Variants in PLEKHG6 observed in about 807,000 individuals in gnomAD.
PLEKHG6 encodes the protein pleckstrin homology and RhoGEF domain containing G6.
In PLEKHG6, 91 loss-of-function variants were observed where a neutral mutation model predicts 97.5. That is an observed-to-expected ratio of 0.93 (90% CI 0.79 to 1.11). The LOEUF is 1.11. PLEKHG6 is among the 50% of genes most tolerant of loss of function. The pLI, the probability that PLEKHG6 is intolerant of heterozygous loss-of-function variation, is 0.00. For missense variants in PLEKHG6, 1,044 were observed against 1,031.0 expected (o/e 1.01, Z -0.17); for synonymous variants, 466 against 425.5 (o/e 1.10, Z -1.17).
In PLEKHG6 at chr12:6,319,403, G is replaced by A. The variant is rs113305734; in HGVS notation, c.1524+295G>A. ...GTGGAGGTTGCAGTGACCTGAGATC[G>A]TGCCACTGCACTCTAGCCTGGGTGA... On this transcript the variant is annotated intron_variant, in intron 13 of 15. Transcript: ENST00000684764. The A allele has an allele frequency of 4.9e-3, 4,069 of 837,812 alleles. 128 individuals carry two copies. The African/African-American group carries it at 0.063, about 13-fold the overall frequency. 51.9% of individuals were successfully genotyped at this position (837,812 alleles called of 1,614,324 possible).
chr12:6,324,570 GAA>G (rs953296873), intron 13 of PLEKHG6, among the ~76,000 whole-genome samples: 12 of 152,134 alleles, frequency 7.9e-5, no homozygotes, highest in Non-Finnish European at 1.6e-4. Flanking sequence ...TGAGGCCTGG[GAA>G]AGAGGGAGTC....
At chr12:6,318,638 G>C in intron 11 of PLEKHG6, 107 bp from the exon 12 acceptor site, 1 of 1,323,690 alleles carries the variant, frequency 7.6e-7, no homozygotes, top group Non-Finnish European at 1.1e-6. Flanking sequence ...TTTGGGCTCT[G>C]CGTGTGTCCC....
Position 6,315,735 on chromosome 12 carries a change from A to C in PLEKHG6, c.555+86A>C. 1 of 1,183,694 alleles carries C rather than the reference A, an allele frequency of 8.4e-7. No individual in the cohort carries two copies. The highest frequency in any genetic ancestry group is 1.5e-5 in the African/African-American group (1 of 65,900). 73.3% of individuals were successfully genotyped at this position (1,183,694 alleles called of 1,614,324 possible). ...AGACTGGAAGGCAGGTCACTGGGGG[A>C]GGGAGGGGCAGGATTTCAGGCCAGT... On this transcript the variant is annotated intron_variant, in intron 5 of 15. Coordinates refer to ENST00000684764, the MANE Select transcript of PLEKHG6 (RefSeq NM_001384598.1). This position sits in a 1 kb window ranked among gnomAD's most constrained non-coding sequence, Gnocchi z 4.5.
Position 6,317,572 on chromosome 12 carries a change from G to A in PLEKHG6, c.893G>A (p.Gly298Glu). 6.2e-7 allele frequency: 1 copy of A among 1,613,910 alleles called. No individual in the cohort carries two copies. ...TGGTGTGAGAAGCACAAGCGCTCTG[G>A]GAGGCAGATGCTCTGTGACTTGCTT... ...VQWCEKHKRS[G>E]RQMLCDLLIK... is the part of the protein sequence containing the mutation. Residue 298 changes from glycine (G) to glutamate (E), a missense_variant, in exon 9 of 16, where the codon GGG (glycine) becomes GAG (glutamate). By Grantham distance (98) the Gly-to-Glu change is moderately conservative. Transcript: ENST00000684764.
At chr12:6,321,421 G>A (rs924719654) in intron 13 of PLEKHG6, among the ~76,000 whole-genome samples, 1 of 152,172 alleles carries the variant, frequency 6.6e-6, no homozygotes, top group African/African-American at 2.4e-5. Context: ...CTGGAGGAGG[G>A]AGAAATTGGT....
rs7955205 is a variant in PLEKHG6 at position 6,316,761 on chromosome 12, C to T, written c.756+357C>T. Among the ~76,000 whole-genome samples, 93,057 of 151,926 alleles carry T rather than the reference C, an allele frequency of 0.61. 29,176 individuals carry two copies. The highest frequency in any genetic ancestry group is 0.71 in the African/African-American group (29,513 of 41,416). Reference sequence around the variant, plus strand: ...AAGGCCACAGGAGGCACCCGGGGCACGGAGAAGAGTGACAAGAGAAAGCAA... The same window carrying T: ...AAGGCCACAGGAGGCACCCGGGGCATGGAGAAGAGTGACAAGAGAAAGCAA... On this transcript the variant is annotated intron_variant, in intron 7 of 15. Coordinates refer to ENST00000684764, the MANE Select transcript of PLEKHG6 (RefSeq NM_001384598.1). This position sits in a 1 kb window ranked among gnomAD's most constrained non-coding sequence, Gnocchi z 4.1.
In PLEKHG6 at chr12:6,327,773, GCGCCCAA is replaced by G; in HGVS notation, c.2191_2197del (p.Arg731CysfsTer33). 1 of 1,532,162 alleles carries G rather than the reference GCGCCCAA, an allele frequency of 6.5e-7. No homozygotes were observed. The highest frequency in any genetic ancestry group is 2.3e-5 in the East Asian group (1 of 44,258). The allele number at this position is 1,532,162 out of a possible 1,614,324, so 94.9% of individuals were successfully genotyped here. ...TCCTGAAAGCTGGCCACACATCCCT[GCGCCCAA>G]TGCGGGCTGAGGACATGCTCAGAGA... On this transcript the variant is annotated frameshift_variant, in exon 15 of 16. Transcript: ENST00000684764. LOFTEE classifies it high-confidence loss of function.
chr12:6,327,844 C>G lies in PLEKHG6; in HGVS notation c.2261C>G (p.Ala754Gly). Reference protein sequence around the residue: ...EELASQRIEGAEEPRDSRPRK... With the variant: ...EELASQRIEGGEEPRDSRPRK... Reference sequence around the variant, plus strand: ...CTGGCCAGCCAAAGGATTGAGGGGGCCGAGGAGCCCCGGGACAGCAGGCCA... The same window carrying G: ...CTGGCCAGCCAAAGGATTGAGGGGGGCGAGGAGCCCCGGGACAGCAGGCCA... The change falls in exon 15 of 16, where the codon GCC (alanine) becomes GGC (glycine). Residue 754 changes from alanine (A) to glycine (G), a missense_variant. Transcript: ENST00000684764. The G allele has an allele frequency of 2.0e-6, 3 of 1,506,284 alleles. No homozygotes were observed. Among genetic ancestry groups the G allele is most frequent in the Non-Finnish European group, 1.8e-6 (2 of 1,128,712 alleles). The allele number at this position is 1,506,284 out of a possible 1,614,324, so 93.3% of individuals were successfully genotyped here.
Position 6,312,719 on chromosome 12 carries a change from G to C in PLEKHG6, c.138+355G>C. ...TGGCAGGAGTTTGAGGCCTTCCTGA[G>C]ATCTGCCTCTCCCTGAGTCAGGATG... On this transcript the variant is annotated intron_variant, in intron 2 of 15. Transcript: ENST00000684764. 1.7e-6 allele frequency: 2 copies of C among 1,166,982 alleles called. 1 individual carries two copies. Among genetic ancestry groups the C allele is most frequent in the South Asian group, 5.2e-5 (2 of 38,322 alleles). The allele number at this position is 1,166,982 out of a possible 1,614,324, so 72.3% of individuals were successfully genotyped here.
chr12:6,313,727 C>G lies in PLEKHG6; in HGVS notation c.237C>G (p.Pro79=), dbSNP rs772249643. 1 of 1,611,352 alleles carries G rather than the reference C, an allele frequency of 6.2e-7. No individual in the cohort carries two copies. The highest frequency in any genetic ancestry group is 8.5e-7 in the Non-Finnish European group (1 of 1,178,818). The change falls in exon 3 of 16, where the codon CCC becomes CCG. Residue 79 remains proline (P), a synonymous_variant. Coordinates refer to ENST00000684764, the MANE Select transcript of PLEKHG6 (RefSeq NM_001384598.1). ...LSPMRLRDPE[P]EKRHGGHVGA... is the part of the protein sequence containing the mutation. ...CCATGAGACTGCGAGATCCAGAGCC[C>G]GAGAAGAGGCACGGGGGCCATGTGG... is the stretch of plus-strand genomic sequence containing the variant.
In PLEKHG6 at chr12:6,316,021, G is replaced by C; in HGVS notation, c.606+102G>C. On this transcript the variant is annotated intron_variant, in intron 6 of 15. Coordinates refer to ENST00000684764, the MANE Select transcript of PLEKHG6 (RefSeq NM_001384598.1). The surrounding 1 kb of genome is among the most constrained non-coding windows in gnomAD (Gnocchi z 4.1). ...TCCCTGTCTGAATTCCCACTGCCCCGTTTTTTGGGATGCCTTGCCCTCCCT... is the reference window on the plus strand; with the variant it reads ...TCCCTGTCTGAATTCCCACTGCCCCCTTTTTTGGGATGCCTTGCCCTCCCT... 1 of 1,156,876 alleles carries C rather than the reference G, an allele frequency of 8.6e-7. No homozygotes were observed. The highest frequency in any genetic ancestry group is 1.2e-6 in the Non-Finnish European group (1 of 817,800). The allele number at this position is 1,156,876 out of a possible 1,614,324, so 71.7% of individuals were successfully genotyped here.
At chr12:6,324,147 T>C (rs1329113075) in intron 13 of PLEKHG6, among the ~76,000 whole-genome samples, 3 of 152,088 alleles carry the variant, frequency 2.0e-5, no homozygotes, top group Admixed American at 6.5e-5. Context: ...TCTGCCCCCA[T>C]GTGTCTCTCC....
intron 2 of PLEKHG6, 116 bp downstream of exon 2, chr12:6,312,480 C>A: frequency 8.1e-7 from 1 of 1,238,590 alleles, no homozygotes; most frequent in Non-Finnish European, 1.1e-6. Context: ...GCCCCTTACC[C>A]TACTCTTCTT....
At chr12:6,318,452 G>T in intron 11 of PLEKHG6, 32 bp downstream of exon 11, 1 of 1,569,440 alleles carries the variant, frequency 6.4e-7, no homozygotes, top group Non-Finnish European at 8.6e-7. Context: ...TGGAGGGGAT[G>T]GGGCACGGTG....
chr12:6,322,054 C>T (rs879666873), intron 13 of PLEKHG6, among the ~76,000 whole-genome samples: 4 of 152,124 alleles, frequency 2.6e-5, no homozygotes, highest in African/African-American at 9.7e-5. Flanking sequence ...AGCTGTCATT[C>T]GGCTTAGGCA....
intron 13 of PLEKHG6, among the ~76,000 whole-genome samples, chr12:6,324,299 C>T (rs61571919): frequency 6.8e-6 from 1 of 147,518 alleles, no homozygotes; most frequent in Non-Finnish European, 1.5e-5. Context: ...CCCTCCCCCC[C>T]CCGCCGCCTC....
At chr12:6,313,515 C>T (rs926568869) in intron 2 of PLEKHG6, 114 bp from the exon 3 acceptor site, 10 of 1,287,530 alleles carry the variant, frequency 7.8e-6, no homozygotes, top group African/African-American at 2.9e-5. Context: ...TGAGCCAGCC[C>T]GACTTACCAG....
chr12:6,315,806 G>A lies in PLEKHG6; in HGVS notation c.556-63G>A, dbSNP rs1676411862. 2 of 1,414,486 alleles carry A rather than the reference G, an allele frequency of 1.4e-6. No homozygotes were observed. The highest frequency in any genetic ancestry group is 2.0e-5 in the Admixed American group (1 of 48,984). The allele number at this position is 1,414,486 out of a possible 1,614,324, so 87.6% of individuals were successfully genotyped here. ...TCAGCAGTACTGAAGTTGGTGGGGG[G>A]TGGGAGGTGACGACACTGAAGGGCT... On this transcript the variant is annotated intron_variant, in intron 5 of 15. Coordinates refer to ENST00000684764, the MANE Select transcript of PLEKHG6 (RefSeq NM_001384598.1). The surrounding 1 kb of genome is among the most constrained non-coding windows in gnomAD (Gnocchi z 4.5).
chr12:6,313,902 G>A lies in PLEKHG6; in HGVS notation c.294+118G>A, dbSNP rs146628856. On this transcript the variant is annotated intron_variant, in intron 3 of 15. Coordinates refer to ENST00000684764, the MANE Select transcript of PLEKHG6 (RefSeq NM_001384598.1). ...AGGTCCAGGAGGCTGCTGCCTGCCAGTCAGACATGGCTCTGCCTAGGACCT... is the reference window on the plus strand; with the variant it reads ...AGGTCCAGGAGGCTGCTGCCTGCCAATCAGACATGGCTCTGCCTAGGACCT... 142 of 903,748 alleles carry A rather than the reference G, an allele frequency of 1.6e-4. No homozygotes were observed. The African/African-American group carries it at 2.2e-3, about 14-fold the overall frequency. The allele number at this position is 903,748 out of a possible 1,614,324, so 56.0% of individuals were successfully genotyped here. A position where few individuals can be genotyped will look rare whatever the true frequency, so the allele number is the denominator to read the frequency against.
Sources: allele counts gnomAD v4.1 joint callset (sites outside exome capture counted in the v4.1 genomes callset), GRCh38; gene constraint gnomAD v4.1.1; non-coding constraint Gnocchi (gnomAD v3.1); transcripts MANE v1.5; gene names NCBI Gene and HGNC (gene_info 2026-07-23, HGNC 2026-07-21).